SCAPER: variants seen among roughly 807,000 people sequenced by gnomAD.
The protein encoded by SCAPER is S phase cyclin A-associated protein in the endoplasmic reticulum.
In SCAPER, 98 loss-of-function variants were observed where a neutral mutation model predicts 182.2. That is an observed-to-expected ratio of 0.54 (90% CI 0.46 to 0.64). SCAPER has a LOEUF of 0.64. SCAPER is among the 30% of genes least tolerant of loss of function. The probability of loss-of-function intolerance (pLI) is 0.00; values close to 1 mark genes in which losing one functional copy is unlikely to be tolerated. For missense variants in SCAPER, 1,432 were observed against 1,690.0 expected (o/e 0.85, Z 2.68); for synonymous variants, 605 against 564.6 (o/e 1.07, Z -1.01).
chr15:76,787,667 C>CA (rs2064709222), intron 8 of SCAPER, among the ~76,000 whole-genome samples: 1 of 151,702 alleles, frequency 6.6e-6, no homozygotes, highest in African/African-American at 2.4e-5. Flanking sequence ...CATCCATAGG[C>CA]AAAAAACGAA....
intron 27 of SCAPER, 25 bp downstream of exon 27, chr15:76,404,499 G>C: frequency 6.3e-7 from 1 of 1,578,612 alleles, no homozygotes; most frequent in Admixed American, 1.7e-5. Context: ...GTTGAGTCTA[G>C]ATTGAGATCA....
intron 15 of SCAPER, among the ~76,000 whole-genome samples, chr15:76,752,394 G>T (rs1484317864): frequency 2.0e-5 from 3 of 151,714 alleles, no homozygotes; most frequent in Non-Finnish European, 3.0e-5. Context: ...ATACCCAAAA[G>T]AATTCAAAGC....
intron 5 of SCAPER, among the ~76,000 whole-genome samples, chr15:76,806,749 A>G (rs184034668): frequency 1.4e-3 from 208 of 152,206 alleles, no homozygotes; most frequent in African/African-American, 4.9e-3. Flanking sequence ...TCTTTCAATT[A>G]TATTTTATAG....
intron 20 of SCAPER, among the ~76,000 whole-genome samples, chr15:76,692,519 T>C (rs2058417798): frequency 6.6e-6 from 1 of 151,792 alleles, no homozygotes; most frequent in African/African-American, 2.4e-5. Context: ...TGAAACCTCA[T>C]CTCTATTAAA....
chr15:76,797,572 G>C (rs2065420473), intron 7 of SCAPER: 1 of 152,132 alleles, frequency 6.6e-6, no homozygotes, highest in African/African-American at 2.4e-5. Flanking sequence ...AAGAAAGGAG[G>C]AACTGACAAG....
At chr15:76,677,161 T>C (rs2146944031) in intron 20 of SCAPER, among the ~76,000 whole-genome samples, 1 of 152,176 alleles carries the variant, frequency 6.6e-6, no homozygotes, top group South Asian at 2.1e-4. Flanking sequence ...TCCCAAAAGG[T>C]GCCTGGATCT....
intron 20 of SCAPER, among the ~76,000 whole-genome samples, chr15:76,667,709 T>C (rs1438046598): frequency 6.9e-6 from 1 of 145,710 alleles, no homozygotes; most frequent in Non-Finnish European, 1.5e-5. Flanking sequence ...TCCCAAAACT[T>C]TGGGAAGCCA....
chr15:76,401,250 GCTAT>G (rs946147914), intron 27 of SCAPER, among the ~76,000 whole-genome samples: 3 of 152,014 alleles, frequency 2.0e-5, no homozygotes, highest in Non-Finnish European at 4.4e-5. Context: ...TGAAGACTGT[GCTAT>G]CTACCATTCA....
chr15:76,470,124 G>A (rs1427245009), intron 25 of SCAPER, among the ~76,000 whole-genome samples: 1 of 152,036 alleles, frequency 6.6e-6, no homozygotes, highest in African/African-American at 2.4e-5. Flanking sequence ...CTGATTTTCA[G>A]CTTGTGATGT....
intron 25 of SCAPER, among the ~76,000 whole-genome samples, chr15:76,442,418 G>A (rs2047676778): frequency 6.6e-6 from 1 of 152,192 alleles, no homozygotes; most frequent in Non-Finnish European, 1.5e-5. Flanking sequence ...GAAAGAATGG[G>A]TAGGTTTTAG....
chr15:76,782,299 C>T (rs1037263380), intron 8 of SCAPER, among the ~76,000 whole-genome samples: 6 of 152,140 alleles, frequency 3.9e-5, no homozygotes, highest in Non-Finnish European at 8.8e-5. Context: ...AAGGCCATTA[C>T]ATACTAGTAA....
intron 27 of SCAPER, among the ~76,000 whole-genome samples, chr15:76,393,565 G>A (rs139873419): frequency 6.5e-4 from 99 of 152,306 alleles, no homozygotes; most frequent in Non-Finnish European, 1.1e-3. Flanking sequence ...GAAAGTAGCA[G>A]GCTATATTTT....
intron 23 of SCAPER, among the ~76,000 whole-genome samples, chr15:76,516,098 A>G: frequency 6.6e-6 from 1 of 152,084 alleles, no homozygotes; most frequent in East Asian, 1.9e-4. Flanking sequence ...TTTGTCAATC[A>G]TCCTGTCTTA....
intron 27 of SCAPER, among the ~76,000 whole-genome samples, chr15:76,388,883 C>G (rs2043463684): frequency 6.6e-6 from 1 of 151,708 alleles, no homozygotes; most frequent in Non-Finnish European, 1.5e-5. Context: ...ATGGCTTGAA[C>G]CCAGGAGGTG....
intron 8 of SCAPER, among the ~76,000 whole-genome samples, chr15:76,790,846 T>C (rs1251641559): frequency 1.3e-5 from 2 of 152,346 alleles, no homozygotes; most frequent in African/African-American, 4.8e-5. Flanking sequence ...CTATAGTCCT[T>C]GGGTTTAACT....
At chr15:76,600,766 A>T (rs1288961356) in intron 22 of SCAPER, among the ~76,000 whole-genome samples, 4 of 121,438 alleles carry the variant, frequency 3.3e-5, no homozygotes, top group South Asian at 5.1e-4. Flanking sequence ...GTATTTTTTT[A>T]AAATAATTCT....
intron 20 of SCAPER, among the ~76,000 whole-genome samples, chr15:76,695,486 A>G (rs1161023326): frequency 1.3e-5 from 2 of 151,840 alleles, no homozygotes; most frequent in African/African-American, 2.4e-5. Flanking sequence ...AGTCCCAGCT[A>G]CTTGGGAGGC....
At chr15:76,470,991 A>AAATATTGGAACTTAAAAG (rs1326212178) in intron 25 of SCAPER, 1 of 336,826 alleles carries the variant, frequency 3.0e-6, no homozygotes, top group Non-Finnish European at 5.5e-6. Flanking sequence ...ATTATCCATT[A>AAATATTGGAACTTAAAAG]AATATTGGAA....
At chr15:76,667,583 C>G (rs1052923166) in intron 20 of SCAPER, among the ~76,000 whole-genome samples, 1 of 136,596 alleles carries the variant, frequency 7.3e-6, no homozygotes, top group Admixed American at 8.3e-5. Flanking sequence ...CGAGATGGTG[C>G]CATTGCACTC....
Sources: allele counts gnomAD v4.1 joint callset (sites outside exome capture counted in the v4.1 genomes callset), GRCh38; gene constraint gnomAD v4.1.1; transcripts MANE v1.5; gene names NCBI Gene and HGNC (gene_info 2026-07-23, HGNC 2026-07-21).